Variants in FBN2 observed in about 807,000 individuals in gnomAD.
FBN2 encodes fibrillin 2, also known as fibrillin-2.
FBN2 carries 105 observed loss-of-function variants against 355.6 expected under a neutral mutation model. That is an observed-to-expected ratio of 0.30 (90% confidence interval 0.25 to 0.35). The LOEUF is 0.35. FBN2 is among the 10% of genes least tolerant of loss of function. The probability of loss-of-function intolerance (pLI) is 1.00; values close to 1 mark genes in which losing one functional copy is unlikely to be tolerated. For missense variants in FBN2, 3,280 were observed against 3,758.7 expected (o/e 0.87, Z 3.33); for synonymous variants, 1,350 against 1,301.2 (o/e 1.04, Z -0.81).
intron 8 of FBN2, among the ~76,000 whole-genome samples, chr5:128,398,062 A>C (rs977106987): frequency 6.6e-6 from 1 of 152,158 alleles, no homozygotes; most frequent in Admixed American, 6.5e-5. Context: ...GGTCTTCCTC[A>C]CATCAATAGC....
chr5:128,399,558 G>A (rs1337357700), intron 8 of FBN2, among the ~76,000 whole-genome samples: 2 of 152,070 alleles, frequency 1.3e-5, no homozygotes, highest in Non-Finnish European at 2.9e-5. Flanking sequence ...TGAGATGCAG[G>A]AAGAAATGAT....
chr5:128,327,336 T>C (rs561215101), intron 34 of FBN2, among the ~76,000 whole-genome samples: 2 of 152,256 alleles, frequency 1.3e-5, no homozygotes, highest in South Asian at 4.1e-4. Context: ...TTGGCACACT[T>C]TCTTTCTTCA....
chr5:128,295,863 C>T (rs1241927779), intron 48 of FBN2, among the ~76,000 whole-genome samples: 17 of 140,044 alleles, frequency 1.2e-4, no homozygotes, highest in Non-Finnish European at 2.1e-4. Context: ...GCCAGAACTT[C>T]CAACACTATG....
chr5:128,331,092 G>A (rs1398337605), intron 32 of FBN2, among the ~76,000 whole-genome samples: 3 of 152,176 alleles, frequency 2.0e-5, no homozygotes, highest in Non-Finnish European at 2.9e-5. Flanking sequence ...TTTAATAGAT[G>A]AGGAAACAGA....
At chr5:128,465,971 A>C (rs1180017969) in intron 5 of FBN2, among the ~76,000 whole-genome samples, 1 of 152,198 alleles carries the variant, frequency 6.6e-6, no homozygotes, top group Non-Finnish European at 1.5e-5. Flanking sequence ...AAGGGCTGAT[A>C]TAGACTGCAG....
intron 10 of FBN2, among the ~76,000 whole-genome samples, chr5:128,392,541 G>C (rs1752542970): frequency 6.6e-6 from 1 of 152,176 alleles, no homozygotes; most frequent in South Asian, 2.1e-4. Flanking sequence ...TAGCAAGAGA[G>C]GGCTTTTAAA....
At chr5:128,275,817 G>GT (rs1430800767) in intron 59 of FBN2, among the ~76,000 whole-genome samples, 1 of 152,094 alleles carries the variant, frequency 6.6e-6, no homozygotes, top group Non-Finnish European at 1.5e-5. Flanking sequence ...AATTTATGCA[G>GT]TTTTCTATAA....
Position 128,369,446 on chromosome 5 carries a change from C to T in FBN2, c.2096-112G>A, listed in dbSNP as rs540487929. ...CACTAGACTGGAAGCTTTTCAAGGG[C>T]ATCTGAGACTTTTATTTTGCATCTT... On this transcript the variant is annotated intron_variant, in intron 15 of 64. Transcript: ENST00000262464. 17 of 951,352 alleles carry T rather than the reference C, an allele frequency of 1.8e-5. 1 individual carries two copies. In the South Asian group the frequency reaches 1.8e-4, roughly 10 times the overall value. The allele number at this position is 951,352 out of a possible 1,614,324, so 58.9% of individuals were successfully genotyped here.
chr5:128,537,425 G>A lies in FBN2; in HGVS notation c.179C>T (p.Ala60Val). The change falls in exon 1 of 65, where the codon GCG (alanine) becomes GTG (valine). Residue 60 changes from alanine to valine, a missense_variant. Around this residue, in one of 6 missense-constraint regions of FBN2, gnomAD observed 203 missense variants for 142.2 expected, o/e 1.43. Coordinates refer to ENST00000262464, the MANE Select transcript of FBN2 (RefSeq NM_001999.4). The part of the protein sequence containing the change: ...ATAGSEGGFL[A>V]PEYREEGAAV... ...GGCACCCTCCTCGCGATACTCGGGCGCTAGAAACCCGCCTTCAGAGCCTGC... is the reference window on the plus strand; with the variant it reads ...GGCACCCTCCTCGCGATACTCGGGCACTAGAAACCCGCCTTCAGAGCCTGC... 1 of 1,609,488 alleles carries A rather than the reference G, an allele frequency of 6.2e-7. No homozygotes were observed. Among genetic ancestry groups the A allele is most frequent in the Non-Finnish European group, 8.5e-7 (1 of 1,179,180 alleles).
At chr5:128,387,119 A>T (rs1752386537) in intron 11 of FBN2, among the ~76,000 whole-genome samples, 1 of 151,798 alleles carries the variant, frequency 6.6e-6, no homozygotes, top group South Asian at 2.1e-4. Flanking sequence ...CAATTTCAGA[A>T]CTCATTTTTG....
chr5:128,275,408 G>T (rs530732927), intron 59 of FBN2, among the ~76,000 whole-genome samples: 3 of 149,544 alleles, frequency 2.0e-5, no homozygotes, highest in African/African-American at 7.4e-5. Flanking sequence ...ACAATGTTCA[G>T]TTCACTAAAC....
At chr5:128,448,161 GAATA>G (rs1754124661) in intron 6 of FBN2, among the ~76,000 whole-genome samples, 2 of 152,046 alleles carry the variant, frequency 1.3e-5, no homozygotes, top group East Asian at 1.9e-4. Flanking sequence ...AGGGTATAAT[GAATA>G]AATAGTGTCC....
At chr5:128,528,793 T>C (rs1756634623) in intron 3 of FBN2, among the ~76,000 whole-genome samples, 1 of 152,218 alleles carries the variant, frequency 6.6e-6, no homozygotes, top group African/African-American at 2.4e-5. Context: ...TGATGTAATC[T>C]ATATTTTAAA....
In FBN2 at chr5:128,453,486, T is replaced by C. The variant is rs530458264; in HGVS notation, c.827-6880A>G. ...ACTCTGGCCTTCCTATAACTGATGC[T>C]CCACAAAGCATCATTGCTTTAAATT... On this transcript the variant is annotated intron_variant, in intron 6 of 64. Coordinates refer to ENST00000262464, the MANE Select transcript of FBN2 (RefSeq NM_001999.4). Among the ~76,000 whole-genome samples the C allele has an allele frequency of 1.2e-4, 18 of 152,334 alleles. No homozygotes were observed. The South Asian group carries it at 3.1e-3, about 26-fold the overall frequency.
intron 14 of FBN2, among the ~76,000 whole-genome samples, chr5:128,375,475 C>T (rs897318421): frequency 3.3e-5 from 5 of 152,134 alleles, no homozygotes; most frequent in Non-Finnish European, 7.3e-5. Context: ...AATCAGCTAA[C>T]CCTGAGATGA....
Position 128,361,862 on chromosome 5 carries a change from T to G in FBN2, c.2429-14A>C. 6.2e-7 allele frequency: 1 copy of G among 1,613,522 alleles called. No homozygotes were observed. Among genetic ancestry groups the G allele is most frequent in the Non-Finnish European group, 8.5e-7 (1 of 1,179,444 alleles). ...ATTCATCAATGTCTGAAAGCAACGA[T>G]TGAAAGATAGGAGATACACATATTT... On this transcript the variant is annotated splice_polypyrimidine_tract_variant and intron_variant, in intron 18 of 64. Transcript: ENST00000262464.
At chr5:128,343,204 G>A (rs1015895662) in intron 25 of FBN2, among the ~76,000 whole-genome samples, 1 of 152,176 alleles carries the variant, frequency 6.6e-6, no homozygotes, top group Admixed American at 6.5e-5. Flanking sequence ...AGTGATGAAT[G>A]GAGGTGAATA....
chr5:128,347,180 G>C (rs974422963), intron 23 of FBN2, among the ~76,000 whole-genome samples: 4 of 152,166 alleles, frequency 2.6e-5, no homozygotes, highest in African/African-American at 7.2e-5. Flanking sequence ...AGAAGCTCAA[G>C]ACAAACTAAA....
intron 45 of FBN2, among the ~76,000 whole-genome samples, chr5:128,304,745 G>A (rs997467032): frequency 1.3e-5 from 2 of 151,730 alleles, no homozygotes; most frequent in African/African-American, 4.8e-5. Context: ...ACATATCGCA[G>A]TATGTCCCTG....
Sources: gnomAD v4.1 joint callset for allele counts (sites outside exome capture counted in the v4.1 genomes callset) on GRCh38, gnomAD v4.1.1 for gene constraint, gnomAD v4.1.1 regional missense constraint, MANE v1.5 for transcripts, NCBI Gene and HGNC (gene_info 2026-07-23, HGNC 2026-07-21) for gene names.